APOLD1: variants seen among roughly 807,000 people sequenced by gnomAD.
APOLD1 encodes apolipoprotein L domain-containing protein 1.
In APOLD1, 22 loss-of-function variants were observed where a neutral mutation model predicts 15.3. The observed-to-expected ratio is 1.44, with a 90% confidence interval of 1.03 to 2.05. APOLD1 has a LOEUF of 2.05. APOLD1 is among the 30% of genes most tolerant of loss of function. The pLI is 0.00. For synonymous variants in APOLD1, 190 were observed against 167.4 expected (o/e 1.13, Z -1.04); for missense variants, 394 against 353.5 (o/e 1.11, Z -0.92).
At chr12:12,726,385 C>T (rs1021407454) in intron 1 of APOLD1, 1 of 499,462 alleles carries the variant, frequency 2.0e-6, no homozygotes, top group Non-Finnish European at 3.7e-6. Context: ...TACGGAAATT[C>T]TTTTGATAAA....
intron 1 of APOLD1, among the ~76,000 whole-genome samples, chr12:12,758,063 C>G (rs1946869925): frequency 6.9e-6 from 1 of 145,448 alleles, no homozygotes; most frequent in African/African-American, 2.5e-5. Context: ...GTAGCTGGGA[C>G]TACAGGCACC....
intron 1 of APOLD1, among the ~76,000 whole-genome samples, chr12:12,780,322 G>A (rs1947069798): frequency 6.7e-6 from 1 of 150,368 alleles, no homozygotes; most frequent in African/African-American, 2.4e-5. Flanking sequence ...TCGGCTCACT[G>A]CAGCCTCACC....
intron 1 of APOLD1, among the ~76,000 whole-genome samples, chr12:12,732,514 C>A (rs1565425085): frequency 1.3e-5 from 2 of 151,970 alleles, no homozygotes; most frequent in Admixed American, 1.3e-4. Context: ...CACTTGAGGT[C>A]AGGAGTTTGA....
At chr12:12,736,407 G>T (rs555594732) in intron 1 of APOLD1, among the ~76,000 whole-genome samples, 1 of 150,628 alleles carries the variant, frequency 6.6e-6, no homozygotes, top group East Asian at 2.0e-4. Context: ...TGCACCTGTA[G>T]TCCCAGCTAC....
chr12:12,747,220 T>C (rs1208503639), intron 1 of APOLD1, among the ~76,000 whole-genome samples: 2 of 152,284 alleles, frequency 1.3e-5, no homozygotes, highest in East Asian at 1.9e-4. Flanking sequence ...CAAGCAATCC[T>C]CCCACATCGG....
At chr12:12,783,630 G>T (rs28668570), upstream of APOLD1, among the ~76,000 whole-genome samples, 411 of 123,926 alleles carry the variant, frequency 3.3e-3, 4 homozygotes, top group African/African-American at 0.01. Flanking sequence ...GTTTTTTTTT[G>T]TTTTTTTTTT....
chr12:12,740,162 T>G (rs1946720508), intron 1 of APOLD1, among the ~76,000 whole-genome samples: 1 of 152,240 alleles, frequency 6.6e-6, no homozygotes, highest in Admixed American at 6.5e-5. Context: ...TTTGTATGTT[T>G]AGTAGAGATG....
intron 1 of APOLD1, among the ~76,000 whole-genome samples, chr12:12,742,912 G>T (rs1946739194): frequency 6.6e-6 from 1 of 152,232 alleles, no homozygotes; most frequent in Non-Finnish European, 1.5e-5. Flanking sequence ...CTACAGGCAT[G>T]TGACACCACC....
chr12:12,728,159 G>T (rs182519341), intron 1 of APOLD1, among the ~76,000 whole-genome samples: 1 of 151,798 alleles, frequency 6.6e-6, no homozygotes, highest in Non-Finnish European at 1.5e-5. Flanking sequence ...TAGAGATGGG[G>T]TCTTGCTATG....
At chr12:12,754,727 G>A (rs1173851247) in intron 1 of APOLD1, among the ~76,000 whole-genome samples, 1 of 151,974 alleles carries the variant, frequency 6.6e-6, no homozygotes, top group African/African-American at 2.4e-5. Context: ...CACCATGCCT[G>A]GCCGAAATCT....
intron 1 of APOLD1, among the ~76,000 whole-genome samples, chr12:12,779,058 C>T (rs552342710): frequency 6.6e-6 from 1 of 152,142 alleles, no homozygotes; most frequent in East Asian, 1.9e-4. Context: ...CACTAAACAC[C>T]CTGGACACTC....
chr12:12,773,841 G>A (rs558075939), intron 1 of APOLD1, among the ~76,000 whole-genome samples: 44 of 152,208 alleles, frequency 2.9e-4, no homozygotes, highest in African/African-American at 7.7e-4. Flanking sequence ...AGACAATGGC[G>A]CAAAGATAGT....
chr12:12,771,780 A>G (rs908794768), intron 1 of APOLD1: 4 of 222,396 alleles, frequency 1.8e-5, no homozygotes, highest in South Asian at 5.9e-5. Context: ...ATATATAGCT[A>G]TGTATATTTA....
intron 1 of APOLD1, among the ~76,000 whole-genome samples, chr12:12,730,702 A>G (rs1404694676): frequency 8.5e-6 from 1 of 117,022 alleles, no homozygotes; most frequent in Non-Finnish European, 1.7e-5. Flanking sequence ...AAAAAAAGAA[A>G]GAAAGAAAAA....
chr12:12,771,093 T>G (rs1351481385), intron 1 of APOLD1, among the ~76,000 whole-genome samples: 1 of 152,162 alleles, frequency 6.6e-6, no homozygotes, highest in Admixed American at 6.5e-5. Flanking sequence ...CAAGAAATAG[T>G]AAAAGAATTT....
intron 1 of APOLD1, among the ~76,000 whole-genome samples, chr12:12,733,666 G>A (rs1403050876): frequency 6.6e-6 from 1 of 152,050 alleles, no homozygotes; most frequent in Non-Finnish European, 1.5e-5. Context: ...GCAGTGGCAC[G>A]ATCTCGGCTC....
intron 1 of APOLD1, among the ~76,000 whole-genome samples, chr12:12,780,181 T>G (rs1947068014): frequency 6.6e-6 from 1 of 152,118 alleles, no homozygotes; most frequent in South Asian, 2.1e-4. Flanking sequence ...AGCACTTACA[T>G]TCTGGGGAAA....
At chr12:12,746,623 TGGGAAAA>T (rs2136377132) in intron 1 of APOLD1, among the ~76,000 whole-genome samples, 1 of 152,294 alleles carries the variant, frequency 6.6e-6, no homozygotes, top group Non-Finnish European at 1.5e-5. Flanking sequence ...TTGGAAAACA[TGGGAAAA>T]CATGCTCTAA....
At chr12:12,729,053 A>G (rs1262380343) in intron 1 of APOLD1, among the ~76,000 whole-genome samples, 2 of 152,116 alleles carry the variant, frequency 1.3e-5, no homozygotes, top group Non-Finnish European at 2.9e-5. Flanking sequence ...CAGGACCATA[A>G]TATAATTACT....
Sources: allele counts gnomAD v4.1 joint callset (sites outside exome capture counted in the v4.1 genomes callset), GRCh38; gene constraint gnomAD v4.1.1; transcripts MANE v1.5; gene names NCBI Gene and HGNC (gene_info 2026-07-23, HGNC 2026-07-21).